NLRP13: variants seen among roughly 807,000 people sequenced by gnomAD.
The protein encoded by NLRP13 is NLR family pyrin domain containing 13, also known as NACHT, LRR and PYD domains-containing protein 13.
A neutral mutation model predicts 94.4 loss-of-function variants in NLRP13; 82 were observed. The observed-to-expected ratio is 0.87, with a 90% CI of 0.73 to 1.04. The LOEUF (loss-of-function observed/expected upper bound fraction) is 1.04. Among genes scored for constraint, NLRP13 ranks in the 50% least tolerant of loss-of-function variants. The pLI, the probability that NLRP13 is intolerant of heterozygous loss-of-function variation, is 0.00. For missense variants in NLRP13, 1,426 were observed against 1,230.8 expected, an observed-to-expected ratio of 1.16 and a Z score of -2.37; for synonymous variants, 553 against 464.7, an observed-to-expected ratio of 1.19 and a Z score of -2.45.
At chr19:55,929,985 G>A (rs1987068498) in intron 1 of NLRP13, among the ~76,000 whole-genome samples, 1 of 152,134 alleles carries the variant, frequency 6.6e-6, no homozygotes, top group South Asian at 2.1e-4. Flanking sequence ...GAGTATCTGA[G>A]GGCTTTAAAA....
At chr19:55,909,926 G>A (rs1231416150) in intron 6 of NLRP13, among the ~76,000 whole-genome samples, 1 of 152,104 alleles carries the variant, frequency 6.6e-6, no homozygotes, top group Admixed American at 6.5e-5. Context: ...CCTTTTCAGT[G>A]AGGCCCTTCT....
At chr19:55,899,589 G>A (rs372219591) in intron 9 of NLRP13, among the ~76,000 whole-genome samples, 127 of 152,200 alleles carry the variant, frequency 8.3e-4, no homozygotes, top group African/African-American at 2.9e-3. Flanking sequence ...AGACCAGCCT[G>A]CCCAACATGG....
chr19:55,916,665 A>G (rs1986684066), intron 4 of NLRP13, among the ~76,000 whole-genome samples: 1 of 152,212 alleles, frequency 6.6e-6, no homozygotes. Context: ...TTAGTCTGAC[A>G]AAAATAAACA....
Position 55,913,275 on chromosome 19 carries a change from C to A in NLRP13, c.542G>T (p.Arg181Ile), listed in dbSNP as rs1447981328. Residue 181 changes from arginine (R) to isoleucine (I), a missense_variant, in exon 5 of 11, where the codon AGA (arginine) becomes ATA (isoleucine). Coordinates refer to ENST00000342929, the MANE Select transcript of NLRP13 (RefSeq NM_176810.2). Reference sequence around the variant, plus strand: ...CAGTAGTTCAGCCTTCATGTTCTCTCTGTATTTTCTTCTGTGGTCTAGAGA... The same window carrying A: ...CAGTAGTTCAGCCTTCATGTTCTCTATGTATTTTCTTCTGTGGTCTAGAGA... ...LEEADHRRKY[R>I]ENMKAELLET... The A allele has an allele frequency of 6.2e-7, 1 of 1,613,860 alleles. No individual in the cohort carries two copies. Among genetic ancestry groups the A allele is most frequent in the South Asian group, 1.1e-5 (1 of 91,070 alleles).
rs146544904 is a variant in NLRP13, at chr19:55,929,033, A to G, written c.319+2960T>C. 7.5e-3 allele frequency among the ~76,000 whole-genome samples: 1,147 copies of G among 152,346 alleles called. 22 individuals are homozygous for G. Among genetic ancestry groups the G allele is most frequent in the African/African-American group, 0.026 (1,094 of 41,570 alleles). On this transcript the variant is annotated intron_variant, in intron 1 of 10. Coordinates refer to ENST00000342929, the MANE Select transcript of NLRP13 (RefSeq NM_176810.2). ...AGCCAACAAACATGAAAAAAAGCTC[A>G]TCGTCACTGGTTATTAGAGAAATGC... is the stretch of plus-strand genomic sequence containing the variant.
intron 9 of NLRP13, among the ~76,000 whole-genome samples, chr19:55,901,039 G>A (rs1431788945): frequency 1.3e-5 from 2 of 152,158 alleles, no homozygotes; most frequent in Non-Finnish European, 2.9e-5. Flanking sequence ...AAAAACTCTG[G>A]GCTCAGGGTC....
At position 55,912,452 on chromosome 19, in the gene NLRP13, C is replaced by G; in HGVS notation, c.1365G>C (p.Leu455=). 3 of 1,614,196 alleles carry G rather than the reference C, an allele frequency of 1.9e-6. No homozygotes were observed. The highest frequency in any genetic ancestry group is 2.5e-6 in the Non-Finnish European group (3 of 1,180,030). ...LQSITQTTTS[L]YAYFFSNLFS... Reference sequence around the variant, plus strand: ...ACAAGTTGGAGAAAAAATAGGCATACAGACTGGTGGTAGTCTGAGTGATTG... The same window carrying G: ...ACAAGTTGGAGAAAAAATAGGCATAGAGACTGGTGGTAGTCTGAGTGATTG... Residue 455 remains leucine (L), a synonymous_variant, in exon 5 of 11, where the codon CTG becomes CTC. Transcript: ENST00000342929.
intron 10 of NLRP13, among the ~76,000 whole-genome samples, chr19:55,896,820 C>CAAAAAAAA (rs3073244): frequency 8.7e-5 from 7 of 80,896 alleles, no homozygotes; most frequent in Admixed American, 1.4e-4. Context: ...CTCCATCTCA[C>CAAAAAAAA]AAAAAAAAAA....
At chr19:55,926,030 C>T (rs949232569) in intron 1 of NLRP13, among the ~76,000 whole-genome samples, 15 of 152,190 alleles carry the variant, frequency 9.9e-5, no homozygotes, top group African/African-American at 2.4e-4. Flanking sequence ...GCAGGGAGCC[C>T]GAGTGGGAAC....
Position 55,912,792 on chromosome 19 carries a change from G to T in NLRP13, c.1025C>A (p.Thr342Asn). Residue 342 changes from threonine (T) to asparagine (N), a missense_variant, in exon 5 of 11, where the codon ACC becomes AAC. Coordinates refer to ENST00000342929, the MANE Select transcript of NLRP13 (RefSeq NM_176810.2). ...CTTCAACAAGCTGTGTAGGATTTTG[G>T]TCACTGGGAGCTCCTGGTACCAGTC... ...CTDWYQELPV[T>N]KILHSLLKKE... 1 of 1,614,080 alleles carries T rather than the reference G, an allele frequency of 6.2e-7. No individual in the cohort carries two copies. The highest frequency in any genetic ancestry group is 8.5e-7 in the Non-Finnish European group (1 of 1,180,006).
chr19:55,913,882 G>A (rs972807032), intron 4 of NLRP13, among the ~76,000 whole-genome samples: 1 of 152,138 alleles, frequency 6.6e-6, no homozygotes, highest in Admixed American at 6.5e-5. Context: ...CTAGCCAGTA[G>A]AGGGGGCCCA....
chr19:55,903,814 G>A (rs1267274771), intron 8 of NLRP13, among the ~76,000 whole-genome samples: 2 of 151,984 alleles, frequency 1.3e-5, no homozygotes, highest in Admixed American at 1.3e-4. Context: ...CTCCCCATGG[G>A]CCACTCCCTC....
chr19:55,930,729 C>T (rs1987093232), intron 1 of NLRP13, among the ~76,000 whole-genome samples: 1 of 144,016 alleles, frequency 6.9e-6, no homozygotes, highest in South Asian at 2.2e-4. Flanking sequence ...TGGTTTATAA[C>T]AGGCACCAGG....
chr19:55,895,926 G>A (rs1286986879), downstream of NLRP13: 1 of 1,611,310 alleles, frequency 6.2e-7, no homozygotes, highest in Non-Finnish European at 8.5e-7. Context: ...GTTCTCCCCT[G>A]CAGAAAAGTC....
intron 7 of NLRP13, among the ~76,000 whole-genome samples, chr19:55,906,699 C>T (rs1426398503): frequency 6.6e-6 from 1 of 152,044 alleles, no homozygotes; most frequent in Admixed American, 6.6e-5. Context: ...TCCAACCTAT[C>T]ACAGAGGCCC....
chr19:55,916,769 A>G lies in NLRP13; in HGVS notation c.524-3476T>C, dbSNP rs544532553. Among the ~76,000 whole-genome samples, 4 of 152,284 alleles carry G rather than the reference A, an allele frequency of 2.6e-5. No individual in the cohort carries two copies. In the East Asian group the frequency reaches 7.7e-4, roughly 29 times the overall value. On this transcript the variant is annotated intron_variant, in intron 4 of 10. Transcript: ENST00000342929. Reference sequence around the variant, plus strand: ...CATAGGCATTCCTGAGGGAGAAGAAAGAGCAAAAAGTTTTAAAAACCTGTT... The same window carrying G: ...CATAGGCATTCCTGAGGGAGAAGAAGGAGCAAAAAGTTTTAAAAACCTGTT...
Position 55,912,625 on chromosome 19 carries a change from G to A in NLRP13, c.1192C>T (p.His398Tyr). 1.2e-6 allele frequency: 2 copies of A among 1,614,210 alleles called. No individual in the cohort carries two copies. Among genetic ancestry groups the A allele is most frequent in the African/African-American group, 2.7e-5 (2 of 75,056 alleles). ...TCAACTTCACTTGAGTCATCAAAGT[G>A]TCTCATGAAATATACCCGTAGGTCG... ...GDDLRVYFMR[H>Y]FDDSSEVEKI... The change falls in exon 5 of 11, where the codon CAC (histidine) becomes TAC (tyrosine). Residue 398 changes from histidine (H) to tyrosine (Y), a missense_variant. By Grantham distance (83) the His-to-Tyr change is moderately conservative. Transcript: ENST00000342929.
intron 4 of NLRP13, among the ~76,000 whole-genome samples, chr19:55,914,096 T>C (rs1368621519): frequency 1.3e-5 from 2 of 152,206 alleles, no homozygotes; most frequent in Non-Finnish European, 2.9e-5. Context: ...GCTTAGACTC[T>C]AGGTTGCCCT....
At chr19:55,908,093 G>C (rs1986405464) in intron 6 of NLRP13, 137 bp from the exon 7 acceptor site, 2 of 735,252 alleles carry the variant, frequency 2.7e-6, no homozygotes, top group Non-Finnish European at 4.3e-6. Context: ...AAAAACAAGG[G>C]CTGAGCCATG....
Sources: allele counts gnomAD v4.1 joint callset (sites outside exome capture counted in the v4.1 genomes callset), GRCh38; gene constraint gnomAD v4.1.1; transcripts MANE v1.5; gene names NCBI Gene and HGNC (gene_info 2026-07-23, HGNC 2026-07-21).